Variants in PKNOX2 observed in about 807,000 individuals in gnomAD.
The protein encoded by PKNOX2 is PBX/knotted 1 homeobox 2.
PKNOX2 carries 14 observed loss-of-function variants against 53.1 expected under a neutral mutation model. The observed-to-expected ratio is 0.26, with a 90% confidence interval of 0.17 to 0.41. The LOEUF (loss-of-function observed/expected upper bound fraction) is 0.41. PKNOX2 is among the 10% of genes least tolerant of loss of function. The probability of loss-of-function intolerance (pLI) is 1.00; values close to 1 mark genes in which losing one functional copy is unlikely to be tolerated. For missense variants in PKNOX2, 496 were observed against 602.8 expected (o/e 0.82, Z 1.85); for synonymous variants, 257 against 242.8 (o/e 1.06, Z -0.54).
At chr11:125,350,025 G>A (rs571369320) in intron 3 of PKNOX2, among the ~76,000 whole-genome samples, 11 of 152,246 alleles carry the variant, frequency 7.2e-5, no homozygotes, top group South Asian at 2.1e-4. Context: ...GAGAGGGGAC[G>A]GAGGGTGTGA....
intron 6 of PKNOX2, among the ~76,000 whole-genome samples, chr11:125,388,829 C>T (rs1953835098): frequency 6.6e-6 from 1 of 152,118 alleles, no homozygotes; most frequent in Non-Finnish European, 1.5e-5. Context: ...AACCTCCCTC[C>T]CTCCATTAGC....
At chr11:125,368,916 G>A (rs4937003) in intron 5 of PKNOX2, among the ~76,000 whole-genome samples, 6,154 of 152,286 alleles carry the variant, frequency 0.04, 186 homozygotes, top group Admixed American at 0.087. Context: ...ATATTCCCTT[G>A]TGGGAGCTTA....
At chr11:125,257,808 G>T (rs1282385684) in intron 2 of PKNOX2, among the ~76,000 whole-genome samples, 3 of 152,154 alleles carry the variant, frequency 2.0e-5, no homozygotes, top group Admixed American at 2.0e-4. Flanking sequence ...TCTGAAGCTT[G>T]TCTGCTCACT....
rs559513727 is a variant in PKNOX2 at position 125,237,427 on chromosome 11, A to C, written c.-130+2312A>C. Among the ~76,000 whole-genome samples the C allele has an allele frequency of 5.9e-5, 9 of 152,346 alleles. No individual in the cohort carries two copies. The East Asian group carries it at 7.7e-4, about 13-fold the overall frequency. ...AGTATCAACATCACATTGAAAGAAC[A>C]GGATGAAGAATAGGAATGTATCTTG... is the stretch of plus-strand genomic sequence containing the variant. On this transcript the variant is annotated intron_variant, in intron 2 of 12. Transcript: ENST00000298282.
intron 2 of PKNOX2, among the ~76,000 whole-genome samples, chr11:125,264,776 G>T (rs1156542314): frequency 3.3e-5 from 5 of 151,428 alleles, no homozygotes; most frequent in Admixed American, 2.6e-4. Context: ...CCTGGGAACA[G>T]GTGTGGAGTA....
At chr11:125,300,185 T>A (rs76969185) in intron 2 of PKNOX2, among the ~76,000 whole-genome samples, 1 of 152,198 alleles carries the variant, frequency 6.6e-6, no homozygotes, top group African/African-American at 2.4e-5. Context: ...AGTCTGCTTT[T>A]GAAAGAGCAA....
rs71042484 is a variant in PKNOX2, at chr11:125,257,007, GT to G, written c.-130+21904del. Among the ~76,000 whole-genome samples the G allele has an allele frequency of 5.0e-3, 724 of 146,242 alleles. 2 individuals are homozygous for G. Among genetic ancestry groups the G allele is most frequent in the South Asian group, 0.02 (92 of 4,614 alleles). ...TTCCATAGGGGCTAATCTGTGTAGG[GT>G]TTTTTTTTTTTCCTTCTTCTTTGCA... On this transcript the variant is annotated intron_variant, in intron 2 of 12. Transcript: ENST00000298282.
intron 2 of PKNOX2, among the ~76,000 whole-genome samples, chr11:125,300,427 G>A (rs1399571395): frequency 2.6e-5 from 4 of 152,222 alleles, no homozygotes; most frequent in Non-Finnish European, 4.4e-5. Flanking sequence ...TTGAGGCAGA[G>A]AGAGGTTAAG....
chr11:125,354,412 T>C (rs1951486120), intron 4 of PKNOX2, among the ~76,000 whole-genome samples: 1 of 152,200 alleles, frequency 6.6e-6, no homozygotes, highest in Non-Finnish European at 1.5e-5. Context: ...CCTGGGCAGC[T>C]GAGCACACCT....
chr11:125,279,311 A>G (rs1946392593), intron 2 of PKNOX2, among the ~76,000 whole-genome samples: 1 of 152,198 alleles, frequency 6.6e-6, no homozygotes, highest in Non-Finnish European at 1.5e-5. Context: ...TGAATCATTT[A>G]CCAAGTATCT....
chr11:125,202,548 A>C (rs1285883502), intron 1 of PKNOX2, among the ~76,000 whole-genome samples: 3 of 152,226 alleles, frequency 2.0e-5, no homozygotes, highest in Non-Finnish European at 4.4e-5. Context: ...GTCCAGGCAC[A>C]CAGAAGGGCT....
intron 3 of PKNOX2, among the ~76,000 whole-genome samples, chr11:125,344,056 T>A (rs1454157160): frequency 6.6e-6 from 1 of 152,110 alleles, no homozygotes; most frequent in Non-Finnish European, 1.5e-5. Flanking sequence ...GACCCAGTGC[T>A]GGGGCCTGTC....
chr11:125,207,403 T>A (rs1049752035), intron 1 of PKNOX2, among the ~76,000 whole-genome samples: 1 of 151,514 alleles, frequency 6.6e-6, no homozygotes, highest in Admixed American at 6.6e-5. Context: ...CCATGACGGG[T>A]GTATAAGCTC....
intron 7 of PKNOX2, among the ~76,000 whole-genome samples, chr11:125,409,414 G>A (rs1955343213): frequency 6.6e-6 from 1 of 152,232 alleles, no homozygotes; most frequent in Admixed American, 6.5e-5. Flanking sequence ...TCTGTTTCCA[G>A]TGGAATCCTG....
chr11:125,196,562 G>C (rs913278885), intron 1 of PKNOX2, among the ~76,000 whole-genome samples: 1 of 152,154 alleles, frequency 6.6e-6, no homozygotes, highest in African/African-American at 2.4e-5. Context: ...CTGTCACAGA[G>C]AGTGCTGGTA....
At chr11:125,401,766 A>T (rs11220049) in intron 7 of PKNOX2, among the ~76,000 whole-genome samples, 2 of 149,194 alleles carry the variant, frequency 1.3e-5, no homozygotes, top group African/African-American at 2.5e-5. Flanking sequence ...GGAGCTTGTG[A>T]GTGTGTGTGT....
rs77611032 is a variant in PKNOX2, at chr11:125,225,316, C to T, written c.-200-9729C>T. Among the ~76,000 whole-genome samples the T allele has an allele frequency of 2.5e-3, 387 of 152,290 alleles. 4 individuals carry two copies. Among genetic ancestry groups the T allele is most frequent in the African/African-American group, 7.1e-3 (297 of 41,566 alleles). On this transcript the variant is annotated intron_variant, in intron 1 of 12. Coordinates refer to ENST00000298282, the MANE Select transcript of PKNOX2 (RefSeq NM_001382323.2). Reference sequence around the variant, plus strand: ...AGGGCAGGGAACTGGAATTGCTGTTCGTCATTGACCCCCAGCCTAGTGAAG... The same window carrying T: ...AGGGCAGGGAACTGGAATTGCTGTTTGTCATTGACCCCCAGCCTAGTGAAG...
At chr11:125,181,047 A>G (rs1016544833) in intron 1 of PKNOX2, among the ~76,000 whole-genome samples, 1 of 152,242 alleles carries the variant, frequency 6.6e-6, no homozygotes, top group African/African-American at 2.4e-5. Context: ...AAATAATGCT[A>G]GCAAACATTA....
intron 5 of PKNOX2, among the ~76,000 whole-genome samples, chr11:125,375,489 A>C (rs1952782236): frequency 1.3e-5 from 2 of 152,202 alleles, no homozygotes; most frequent in African/African-American, 2.4e-5. Flanking sequence ...TTGGAGTTTG[A>C]ATACCTGGAT....
Sources: allele counts gnomAD v4.1 joint callset (sites outside exome capture counted in the v4.1 genomes callset), GRCh38; gene constraint gnomAD v4.1.1; transcripts MANE v1.5; gene names NCBI Gene and HGNC (gene_info 2026-07-23, HGNC 2026-07-21).